RANBP17: variants seen among roughly 807,000 people sequenced by gnomAD.
RANBP17 encodes RAN binding protein 17.
A neutral mutation model predicts 141.2 loss-of-function variants in RANBP17; 158 were observed. That is an observed-to-expected ratio of 1.12 (90% CI 0.98 to 1.28). The LOEUF is 1.28. Ranked by LOEUF, RANBP17 falls within the 50% of genes most tolerant of loss-of-function variation. RANBP17 has a pLI of 0.00. For synonymous variants in RANBP17, 430 were observed against 450.0 expected (o/e 0.96, Z 0.56); for missense variants, 1,438 against 1,290.7 (o/e 1.11, Z -1.75).
At chr5:170,961,056 T>C (rs1776116809) in intron 13 of RANBP17, among the ~76,000 whole-genome samples, 1 of 151,900 alleles carries the variant, frequency 6.6e-6, no homozygotes, top group Non-Finnish European at 1.5e-5. Flanking sequence ...CCCTGCCCCT[T>C]TAGATGGCTA....
At position 170,977,228 on chromosome 5, in the gene RANBP17, C is replaced by A. The variant is rs191190354; in HGVS notation, c.1710+8851C>A. Among the ~76,000 whole-genome samples the A allele has an allele frequency of 4.7e-3, 719 of 151,738 alleles. 5 individuals are homozygous for A. The highest frequency in any genetic ancestry group is 0.017 in the African/African-American group (697 of 41,400). ...CCAAAGAAAATCTATGAATGGCCAACAAGGACATGGAAAGATCTTCAGCAT... is the reference window on the plus strand; with the variant it reads ...CCAAAGAAAATCTATGAATGGCCAAAAAGGACATGGAAAGATCTTCAGCAT... On this transcript the variant is annotated intron_variant, in intron 14 of 27. Coordinates refer to ENST00000523189, the MANE Select transcript of RANBP17 (RefSeq NM_022897.5).
intron 14 of RANBP17, among the ~76,000 whole-genome samples, chr5:171,071,555 A>T (rs1036106168): frequency 4.6e-5 from 7 of 150,978 alleles, no homozygotes; most frequent in Non-Finnish European, 1.0e-4. Context: ...ACCCACACAA[A>T]TATTATCAAC....
At chr5:171,057,408 G>A (rs569640290) in intron 14 of RANBP17, among the ~76,000 whole-genome samples, 1 of 152,076 alleles carries the variant, frequency 6.6e-6, no homozygotes. Context: ...GTTTATATAT[G>A]TGTTTATTGC....
At chr5:171,292,152 A>G (rs1459948209) in intron 25 of RANBP17, among the ~76,000 whole-genome samples, 1 of 152,192 alleles carries the variant, frequency 6.6e-6, no homozygotes, top group African/African-American at 2.4e-5. Context: ...TAGATTGTAC[A>G]TGGAAACTCG....
intron 14 of RANBP17, among the ~76,000 whole-genome samples, chr5:170,975,932 A>G (rs1777337512): frequency 6.6e-6 from 1 of 151,980 alleles, no homozygotes; most frequent in Non-Finnish European, 1.5e-5. Flanking sequence ...AAGCATGGCT[A>G]CTCCCTTCTC....
intron 14 of RANBP17, among the ~76,000 whole-genome samples, chr5:171,164,807 A>T (rs938609489): frequency 6.6e-6 from 1 of 152,216 alleles, no homozygotes; most frequent in East Asian, 1.9e-4. Context: ...TTGATTTTGT[A>T]TCATGAAATT....
chr5:171,151,224 A>G (rs1758449742), intron 14 of RANBP17, among the ~76,000 whole-genome samples: 1 of 152,210 alleles, frequency 6.6e-6, no homozygotes. Context: ...TAATAGATAT[A>G]ATCCATATTT....
At chr5:171,282,233 A>G (rs1326169184) in intron 25 of RANBP17, among the ~76,000 whole-genome samples, 2 of 152,238 alleles carry the variant, frequency 1.3e-5, no homozygotes, top group East Asian at 1.9e-4. Flanking sequence ...TTGAACATCA[A>G]TAAAAAGCTT....
rs550673667 is a variant in RANBP17 at position 171,011,465 on chromosome 5, T to A, written c.1710+43088T>A. On this transcript the variant is annotated intron_variant, in intron 14 of 27. Transcript: ENST00000523189. ...TTGAATTTTAACCCATTTTTCATGA[T>A]AATTATGGAAAATTATTTTTTCCAA... is the stretch of plus-strand genomic sequence containing the variant. Among the ~76,000 whole-genome samples, 5 of 152,120 alleles carry A rather than the reference T, an allele frequency of 3.3e-5. No homozygotes were observed. The South Asian group carries it at 1.0e-3, about 32-fold the overall frequency.
intron 14 of RANBP17, among the ~76,000 whole-genome samples, chr5:171,076,126 T>A (rs1462060292): frequency 6.6e-6 from 1 of 152,202 alleles, no homozygotes; most frequent in Non-Finnish European, 1.5e-5. Flanking sequence ...AACAGTTAAT[T>A]TGACTCTTGT....
At chr5:170,935,932 G>A (rs917148948) in intron 12 of RANBP17, among the ~76,000 whole-genome samples, 2 of 151,928 alleles carry the variant, frequency 1.3e-5, no homozygotes, top group African/African-American at 4.8e-5. Context: ...TTGAGCTGCC[G>A]TGGGCTCCAC....
At chr5:171,045,497 T>A (rs1782524604) in intron 14 of RANBP17, among the ~76,000 whole-genome samples, 1 of 152,154 alleles carries the variant, frequency 6.6e-6, no homozygotes, top group Admixed American at 6.5e-5. Flanking sequence ...GAAAGATTTA[T>A]AGTAATAATG....
chr5:170,981,284 T>C (rs1052580048), intron 14 of RANBP17, among the ~76,000 whole-genome samples: 1 of 152,154 alleles, frequency 6.6e-6, no homozygotes, highest in African/African-American at 2.4e-5. Context: ...CTGAAATGAG[T>C]TAAGACTTTG....
At chr5:171,293,286 A>G (rs909802168) in intron 25 of RANBP17, among the ~76,000 whole-genome samples, 15 of 152,162 alleles carry the variant, frequency 9.9e-5, no homozygotes, top group Admixed American at 7.9e-4. Context: ...TATCTCCCCT[A>G]TGGATCTTAC....
Position 171,057,433 on chromosome 5 carries a change from A to C in RANBP17, c.1710+89056A>C, listed in dbSNP as rs1246400880. ...GTGTTTATTGCATTTTGCTTTTTTC[A>C]CTTAATTATATCTCCTGGAAATCAT... is the stretch of plus-strand genomic sequence containing the variant. On this transcript the variant is annotated intron_variant, in intron 14 of 27. Coordinates refer to ENST00000523189, the MANE Select transcript of RANBP17 (RefSeq NM_022897.5). Among the ~76,000 whole-genome samples the C allele has an allele frequency of 2.0e-5, 3 of 151,954 alleles. No individual in the cohort carries two copies. The East Asian group carries it at 5.8e-4, about 29-fold the overall frequency.
At chr5:170,896,320 A>T (rs1770116675) in intron 5 of RANBP17, 1 of 522,530 alleles carries the variant, frequency 1.9e-6, no homozygotes, top group East Asian at 3.2e-5. Context: ...TATCTGCAAT[A>T]GTACAGAGTA....
Position 170,924,557 on chromosome 5 carries a change from A to T in RANBP17, c.1468+7A>T, listed in dbSNP as rs750490340. 25 of 1,570,350 alleles carry T rather than the reference A, an allele frequency of 1.6e-5. No individual in the cohort carries two copies. The East Asian group carries it at 5.2e-4, about 33-fold the overall frequency. Reference sequence around the variant, plus strand: ...GACATCACCATTCAGGAAGGTCAGTAAACTTTATATGACTACTGAGTATTA... The same window carrying T: ...GACATCACCATTCAGGAAGGTCAGTTAACTTTATATGACTACTGAGTATTA... On this transcript the variant is annotated splice_region_variant and intron_variant, in intron 12 of 27. Coordinates refer to ENST00000523189, the MANE Select transcript of RANBP17 (RefSeq NM_022897.5).
chr5:171,222,464 C>G (rs1279665775), intron 22 of RANBP17, among the ~76,000 whole-genome samples: 1 of 152,076 alleles, frequency 6.6e-6, no homozygotes, highest in Admixed American at 6.6e-5. Context: ...GATAAAAATC[C>G]TCTGTAATCT....
intron 3 of RANBP17, among the ~76,000 whole-genome samples, chr5:170,891,446 T>G (rs1459807858): frequency 1.3e-5 from 2 of 152,320 alleles, no homozygotes; most frequent in East Asian, 3.9e-4. Flanking sequence ...AGTAGATGTT[T>G]GAGGTATATG....
Sources: gnomAD v4.1 joint callset for allele counts (sites outside exome capture counted in the v4.1 genomes callset) on GRCh38, gnomAD v4.1.1 for gene constraint, MANE v1.5 for transcripts, NCBI Gene and HGNC (gene_info 2026-07-23, HGNC 2026-07-21) for gene names.